The following XKR6 variants were observed in gnomAD, a reference collection of about 807,000 sequenced individuals.
XKR6 encodes XK-related protein 6.
In XKR6, 22 loss-of-function variants were observed where a neutral mutation model predicts 56.7. The ratio of observed to expected loss-of-function variants is 0.39; its 90% CI spans 0.28 to 0.55. XKR6 has a LOEUF of 0.55. Among genes scored for constraint, XKR6 ranks in the 20% least tolerant of loss-of-function variants. XKR6 has a pLI of 0.66. For synonymous variants in XKR6, 524 were observed against 387.8 expected, an observed-to-expected ratio of 1.35 and a Z score of -4.13; for missense variants, 852 against 889.0, an observed-to-expected ratio of 0.96 and a Z score of 0.53.
At chr8:11,108,250 A>T (rs1240401230) in intron 1 of XKR6, 2 of 455,942 alleles carry the variant, frequency 4.4e-6, no homozygotes, top group East Asian at 1.4e-4. Flanking sequence ...TCTGTAAGGA[A>T]TAAGGAAGGA....
At chr8:11,056,498 G>A (rs1271253601) in intron 1 of XKR6, among the ~76,000 whole-genome samples, 3 of 152,142 alleles carry the variant, frequency 2.0e-5, no homozygotes, top group Non-Finnish European at 4.4e-5. Context: ...CAGGCTCTTG[G>A]CACTTGGTTT....
chr8:11,040,784 G>A (rs552248850), intron 1 of XKR6, among the ~76,000 whole-genome samples: 1 of 152,260 alleles, frequency 6.6e-6, no homozygotes, highest in African/African-American at 2.4e-5. Flanking sequence ...ATGGGGTTAG[G>A]ATGTCAACAC....
chr8:11,014,029 G>T (rs1798558003), intron 1 of XKR6, among the ~76,000 whole-genome samples: 1 of 152,202 alleles, frequency 6.6e-6, no homozygotes. Context: ...AGGCCTAACG[G>T]GCCAGAAGGG....
intron 1 of XKR6, among the ~76,000 whole-genome samples, chr8:11,074,159 T>C (rs989045659): frequency 6.6e-6 from 1 of 152,192 alleles, no homozygotes; most frequent in African/African-American, 2.4e-5. Context: ...AATCTGAGTA[T>C]TTCTCCGAGG....
At chr8:11,110,588 G>A (rs927534642) in intron 1 of XKR6, among the ~76,000 whole-genome samples, 3 of 151,962 alleles carry the variant, frequency 2.0e-5, no homozygotes, top group East Asian at 1.9e-4. Flanking sequence ...TCTGAATGTC[G>A]TCTTAAAAGT....
chr8:11,019,442 AC>A (rs1798699682), intron 1 of XKR6, among the ~76,000 whole-genome samples: 1 of 151,770 alleles, frequency 6.6e-6, no homozygotes, highest in Admixed American at 6.6e-5. Context: ...CCTCCATCCC[AC>A]CTCTTCAGAG....
In XKR6 at chr8:11,200,471, G is replaced by A; in HGVS notation, c.764+105C>T. 6.1e-6 allele frequency: 8 copies of A among 1,301,978 alleles called. No individual in the cohort carries two copies. The South Asian group carries it at 1.5e-4, about 25-fold the overall frequency. 80.7% of individuals were successfully genotyped at this position (1,301,978 alleles called of 1,614,324 possible). A position where few individuals can be genotyped will look rare whatever the true frequency, so the allele number is the denominator to read the frequency against. The stretch of plus-strand genomic sequence containing the variant: ...GCGGCGCGCGGCCGGTCCCTCCTTC[G>A]AGCCCCCCGCGCTGGGCCCTTTCGA... On this transcript the variant is annotated intron_variant, in intron 1 of 2. Transcript: ENST00000416569. This position sits in a 1 kb window ranked among gnomAD's most constrained non-coding sequence, Gnocchi z 6.4.
At chr8:11,155,596 T>C (rs1320850112) in intron 1 of XKR6, among the ~76,000 whole-genome samples, 1 of 152,214 alleles carries the variant, frequency 6.6e-6, no homozygotes, top group Non-Finnish European at 1.5e-5. Flanking sequence ...TTGTTTTATA[T>C]ACAGACACAG....
chr8:11,091,464 T>C (rs886821160), intron 1 of XKR6, among the ~76,000 whole-genome samples: 1 of 150,934 alleles, frequency 6.6e-6, no homozygotes, highest in African/African-American at 2.4e-5. Context: ...AATAGATAGA[T>C]AGATAAAAAG....
chr8:10,902,478 C>T (rs1211498564), intron 2 of XKR6, among the ~76,000 whole-genome samples: 7 of 152,146 alleles, frequency 4.6e-5, no homozygotes, highest in Admixed American at 2.0e-4. Context: ...CCTGCCATGT[C>T]GCGCTGCTCC....
chr8:10,989,584 G>A (rs1027161769), intron 1 of XKR6, among the ~76,000 whole-genome samples: 16 of 150,974 alleles, frequency 1.1e-4, no homozygotes, highest in African/African-American at 3.9e-4. Flanking sequence ...GGTTTCAACT[G>A]ATGAACAGGT....
chr8:10,960,953 G>A lies in XKR6; in HGVS notation c.765-36123C>T, dbSNP rs182615422. Among the ~76,000 whole-genome samples the A allele has an allele frequency of 2.0e-5, 3 of 152,268 alleles. No homozygotes were observed. The East Asian group carries it at 5.8e-4, about 29-fold the overall frequency. ...TGAAACAGGGAAGACAGGGAAGACCGGGCTAGACTGGCTAGATGGGGTAGG... is the reference window on the plus strand; with the variant it reads ...TGAAACAGGGAAGACAGGGAAGACCAGGCTAGACTGGCTAGATGGGGTAGG... On this transcript the variant is annotated intron_variant, in intron 1 of 2. Transcript: ENST00000416569.
At chr8:11,036,278 A>G (rs560840243) in intron 1 of XKR6, among the ~76,000 whole-genome samples, 97 of 152,264 alleles carry the variant, frequency 6.4e-4, no homozygotes, top group African/African-American at 2.3e-3. Flanking sequence ...GCAGAGAGAG[A>G]AGCACTTCCA....
At chr8:10,942,752 C>T (rs573288509) in intron 1 of XKR6, among the ~76,000 whole-genome samples, 1 of 152,354 alleles carries the variant, frequency 6.6e-6, no homozygotes, top group Admixed American at 6.5e-5. Flanking sequence ...TTGCCAATCA[C>T]CCCTGCCTTC....
At chr8:10,957,418 C>A (rs1484335433) in intron 1 of XKR6, among the ~76,000 whole-genome samples, 7 of 152,226 alleles carry the variant, frequency 4.6e-5, no homozygotes, top group African/African-American at 1.7e-4. Flanking sequence ...GGCCCTTCTA[C>A]TCCCTGGGGT....
At chr8:11,172,365 A>AAAAT (rs1232599000) in intron 1 of XKR6, among the ~76,000 whole-genome samples, 2 of 152,134 alleles carry the variant, frequency 1.3e-5, no homozygotes, top group Admixed American at 6.6e-5. Context: ...CCCTGTCTCA[A>AAAAT]AAATAAATAA....
intron 1 of XKR6, among the ~76,000 whole-genome samples, chr8:11,020,272 C>T (rs1180331943): frequency 6.6e-6 from 1 of 152,184 alleles, no homozygotes. Context: ...AGGAAGCCGA[C>T]ACCGTCTGTG....
In XKR6 at chr8:11,107,437, G is replaced by GA. The variant is rs1798720327; in HGVS notation, c.764+93138_764+93139insT. 2.6e-5 allele frequency among the ~76,000 whole-genome samples: 4 copies of GA among 152,084 alleles called. No individual in the cohort carries two copies. The South Asian group carries it at 6.2e-4, about 24-fold the overall frequency. ...TGGCCTTGGGCAGTCCTCCTGCCTC[G>GA]GCCTCCCAGAGTGCTAGGATTTTAG... On this transcript the variant is annotated intron_variant, in intron 1 of 2. Coordinates refer to ENST00000416569, the MANE Select transcript of XKR6 (RefSeq NM_173683.4).
intron 1 of XKR6, among the ~76,000 whole-genome samples, chr8:11,060,029 C>T (rs2129163255): frequency 6.6e-6 from 1 of 152,258 alleles, no homozygotes; most frequent in Non-Finnish European, 1.5e-5. Context: ...AAAATTCATT[C>T]CAGGGAGTAA....
Sources: allele counts gnomAD v4.1 joint callset (sites outside exome capture counted in the v4.1 genomes callset), GRCh38; gene constraint gnomAD v4.1.1; non-coding constraint Gnocchi (gnomAD v3.1); transcripts MANE v1.5; gene names NCBI Gene and HGNC (gene_info 2026-07-23, HGNC 2026-07-21).